TARBP1: variants seen among roughly 807,000 people sequenced by gnomAD.
The protein encoded by TARBP1 is tRNA (guanosine(18)-2'-O)-methyltransferase TARBP1.
In TARBP1, 144 loss-of-function variants were observed where a neutral mutation model predicts 178.6. The ratio of observed to expected loss-of-function variants is 0.81; its 90% CI spans 0.70 to 0.93. The LOEUF is 0.93. TARBP1 is among the 40% of genes least tolerant of loss of function. The pLI is 0.00. For missense variants in TARBP1, 2,067 were observed against 2,011.7 expected (o/e 1.03, Z -0.53); for synonymous variants, 787 against 781.0 (o/e 1.01, Z -0.13).
intron 1 of TARBP1, 32 bp downstream of exon 1, chr1:234,478,141 A>T: frequency 6.3e-7 from 1 of 1,596,400 alleles, no homozygotes; most frequent in Non-Finnish European, 8.6e-7. Context: ...CCAAGTAGGT[A>T]GCACTAGGCT....
intron 21 of TARBP1, 26 bp from the exon 22 acceptor site, chr1:234,418,259 C>A: frequency 6.6e-7 from 1 of 1,524,644 alleles, no homozygotes; most frequent in South Asian, 1.3e-5. Flanking sequence ...CACAATTAAC[C>A]AGTTACAGTT....
chr1:234,410,513 T>C lies in TARBP1; in HGVS notation c.3724A>G (p.Thr1242Ala). The change falls in exon 23 of 30, where the codon ACA (threonine) becomes GCA (alanine). Residue 1242 changes from threonine (T) to alanine (A), a missense_variant. Physicochemically the swap from Thr to Ala is moderately conservative, Grantham distance 58. Transcript: ENST00000040877. ...CFSYGEENLK[T>A]SICTFLAVLS... is the part of the protein sequence containing the mutation. ...ACTGCTAAAAACGTACAAATGCTTG[T>C]TTTAAGATTTTCTTCACCCTGAAAA... 2.6e-6 allele frequency: 4 copies of C among 1,511,600 alleles called. No individual in the cohort carries two copies. Among genetic ancestry groups the C allele is most frequent in the Non-Finnish European group, 3.6e-6 (4 of 1,098,484 alleles). The allele number at this position is 1,511,600 out of a possible 1,614,324, so 93.6% of individuals were successfully genotyped here.
Position 234,478,564 on chromosome 1 carries a change from C to A in TARBP1, c.540G>T (p.Glu180Asp). ...CCGCCGCGTCCTCGGCAGGCCCGGC[C>A]TCATCCCCGTCCCCGCCCCCGCCCA... ...LALGGGGDGD[E>D]AGPAEDAAAL... is the part of the protein sequence containing the mutation. The change falls in exon 1 of 30, where the codon GAG (glutamate) becomes GAT (aspartate). Residue 180 changes from glutamate (E) to aspartate (D), a missense_variant. By Grantham distance (45) the Glu-to-Asp change is conservative. Coordinates refer to ENST00000040877, the MANE Select transcript of TARBP1 (RefSeq NM_005646.4). 7.7e-7 allele frequency: 1 copy of A among 1,303,138 alleles called. No individual in the cohort carries two copies. The highest frequency in any genetic ancestry group is 9.7e-7 in the Non-Finnish European group (1 of 1,027,444). The allele number at this position is 1,303,138 out of a possible 1,614,324, so 80.7% of individuals were successfully genotyped here. A position where few individuals can be genotyped will look rare whatever the true frequency, so the allele number is the denominator to read the frequency against.
chr1:234,445,660 G>A (rs183498065), intron 12 of TARBP1, among the ~76,000 whole-genome samples: 3 of 152,098 alleles, frequency 2.0e-5, no homozygotes, highest in Middle Eastern at 6.8e-3. Flanking sequence ...CTATATATGC[G>A]CTAAAAATCC....
chr1:234,459,084 T>C (rs932482038), intron 8 of TARBP1, 146 bp downstream of exon 8: 20 of 605,930 alleles, frequency 3.3e-5, no homozygotes, highest in Admixed American at 1.9e-4. Flanking sequence ...AGATCATATG[T>C]ATTATTTTAT....
intron 14 of TARBP1, 57 bp downstream of exon 14, chr1:234,433,353 G>C: frequency 1.3e-6 from 2 of 1,526,984 alleles, no homozygotes; most frequent in Non-Finnish European, 1.8e-6. Flanking sequence ...AACTGAATAT[G>C]TATTCCCTGT....
At chr1:234,475,686 G>C (rs1669505492) in intron 1 of TARBP1, among the ~76,000 whole-genome samples, 1 of 152,186 alleles carries the variant, frequency 6.6e-6, no homozygotes, top group Admixed American at 6.5e-5. Context: ...TAAATACAAG[G>C]CTGCAGTGGA....
rs758071132 is a variant in TARBP1, at chr1:234,430,070, CTTA to C, written c.2609+14_2609+16del. 6.3e-7 allele frequency: 1 copy of C among 1,599,138 alleles called. No homozygotes were observed. Among genetic ancestry groups the C allele is most frequent in the East Asian group, 2.2e-5 (1 of 44,498 alleles). On this transcript the variant is annotated intron_variant, in intron 15 of 29. Transcript: ENST00000040877. ...CAACAACAGAAATGGATTTTTAAGCCTTAACCTTCCCTGTACCTGCTGCACTCC... is the reference window on the plus strand; with the variant it reads ...CAACAACAGAAATGGATTTTTAAGCCACCTTCCCTGTACCTGCTGCACTCC...
At chr1:234,392,590 G>T (rs558556614) in intron 28 of TARBP1, 38 bp from the exon 29 acceptor site, 3 of 1,598,528 alleles carry the variant, frequency 1.9e-6, no homozygotes, top group Middle Eastern at 1.7e-4. Context: ...TATTCATTCA[G>T]TTATAGCCCT....
At chr1:234,462,687 C>CAGA (rs1553301964) in intron 6 of TARBP1, among the ~76,000 whole-genome samples, 3 of 102,800 alleles carry the variant, frequency 2.9e-5, no homozygotes, top group African/African-American at 1.1e-4. Context: ...GACTTCATCT[C>CAGA]AAAAAAAAAA....
In TARBP1 at chr1:234,427,353, A is replaced by AG. The variant is rs1429280350; in HGVS notation, c.3286dup (p.Leu1096ProfsTer4). On this transcript the variant is annotated frameshift_variant, in exon 19 of 30. Coordinates refer to ENST00000040877, the MANE Select transcript of TARBP1 (RefSeq NM_005646.4). LOFTEE classifies it high-confidence loss of function. The stretch of plus-strand genomic sequence containing the variant: ...AATATTTGCCGCACAGTCATGTCCA[A>AG]GGTTTTCTATGAAGGTCTGTACATC... 1 of 1,612,590 alleles carries AG rather than the reference A, an allele frequency of 6.2e-7. No homozygotes were observed. Among genetic ancestry groups the AG allele is most frequent in the Non-Finnish European group, 8.5e-7 (1 of 1,179,320 alleles).
intron 22 of TARBP1, among the ~76,000 whole-genome samples, chr1:234,416,228 G>GA (rs957539697): frequency 2.6e-5 from 4 of 152,090 alleles, no homozygotes; most frequent in Non-Finnish European, 4.4e-5. Context: ...GCAACTCAAG[G>GA]AAAAATAACA....
chr1:234,478,494 C>G lies in TARBP1; in HGVS notation c.610G>C (p.Gly204Arg). Reference protein sequence around the residue: ...RLLPVLVQCGGAALRAVWGGL... With the variant: ...RLLPVLVQCGRAALRAVWGGL... ...CCCCACACGGCCCGCAGCGCCGCCC[C>G]GCCACATTGGACCAGCACTGGCAGC... Residue 204 changes from glycine (G) to arginine (R), a missense_variant, in exon 1 of 30, where the codon GGG becomes CGG. By Grantham distance (125) the Gly-to-Arg change is moderately radical. Transcript: ENST00000040877. The G allele has an allele frequency of 7.2e-7, 1 of 1,391,734 alleles. No individual in the cohort carries two copies. The highest frequency in any genetic ancestry group is 1.4e-5 in the South Asian group (1 of 70,118). 86.2% of individuals were successfully genotyped at this position (1,391,734 alleles called of 1,614,324 possible). A position where few individuals can be genotyped will look rare whatever the true frequency, so the allele number is the denominator to read the frequency against.
chr1:234,462,514 C>A (rs1485374380), intron 6 of TARBP1, among the ~76,000 whole-genome samples: 1 of 152,082 alleles, frequency 6.6e-6, no homozygotes, highest in African/African-American at 2.4e-5. Flanking sequence ...CACGGTGAAA[C>A]CCTGTCTCTA....
chr1:234,417,363 T>C (rs1558173088), intron 22 of TARBP1, among the ~76,000 whole-genome samples: 1 of 152,010 alleles, frequency 6.6e-6, no homozygotes, highest in African/African-American at 2.4e-5. Flanking sequence ...AATAAGGATA[T>C]CTTTCCTGAA....
At chr1:234,429,908 C>T (rs1005653593) in intron 15 of TARBP1, among the ~76,000 whole-genome samples, 179 bp downstream of exon 15, 1 of 152,154 alleles carries the variant, frequency 6.6e-6, no homozygotes, top group Non-Finnish European at 1.5e-5. Context: ...TCAGTGAAAA[C>T]TAGATGCAGA....
At position 234,433,425 on chromosome 1, in the gene TARBP1, C is replaced by T. The variant is rs1664680524; in HGVS notation, c.2379G>A (p.Glu793=). 1 of 1,613,966 alleles carries T rather than the reference C, an allele frequency of 6.2e-7. No homozygotes were observed. The highest frequency in any genetic ancestry group is 8.5e-7 in the Non-Finnish European group (1 of 1,180,006). The change falls in exon 14 of 30, where the codon GAG becomes GAA. Residue 793 remains glutamate, a synonymous_variant. Coordinates refer to ENST00000040877, the MANE Select transcript of TARBP1 (RefSeq NM_005646.4). Reference sequence around the variant, plus strand: ...AGAGGCTTACCTGTCCACTGTCCATCTCTTGAAGATGCTGAATGGATGCAT... The same window carrying T: ...AGAGGCTTACCTGTCCACTGTCCATTTCTTGAAGATGCTGAATGGATGCAT... ...LKNASIQHLQ[E]MDSGQEPTVG...
chr1:234,401,090 T>G, intron 25 of TARBP1, 91 bp downstream of exon 25: 1 of 1,011,536 alleles, frequency 9.9e-7, no homozygotes, highest in South Asian at 1.6e-5. Flanking sequence ...AAAAAAACTT[T>G]ACCCTAATCA....
At chr1:234,459,741 G>T (rs1033045950) in intron 7 of TARBP1, among the ~76,000 whole-genome samples, 10 of 151,728 alleles carry the variant, frequency 6.6e-5, no homozygotes, top group Admixed American at 2.0e-4. Flanking sequence ...GAATCCAGAA[G>T]GCAGAGGTTG....
Sources: gnomAD v4.1 joint callset for allele counts (sites outside exome capture counted in the v4.1 genomes callset) on GRCh38, gnomAD v4.1.1 for gene constraint, MANE v1.5 for transcripts, NCBI Gene and HGNC (gene_info 2026-07-23, HGNC 2026-07-21) for gene names.